CDK14: variants seen among roughly 807,000 people sequenced by gnomAD.
CDK14 encodes the protein cyclin dependent kinase 14.
Under a neutral mutation model 60.7 loss-of-function variants are expected in CDK14, and 34 were observed. The ratio of observed to expected loss-of-function variants is 0.56; its 90% confidence interval spans 0.43 to 0.75. The LOEUF (loss-of-function observed/expected upper bound fraction) is 0.75, where lower values mean the gene tolerates loss of function less well. Among genes scored for constraint, CDK14 ranks in the 30% least tolerant of loss-of-function variants. CDK14 has a pLI of 0.00. For missense variants in CDK14, 482 were observed against 564.1 expected (o/e 0.85, Z 1.47); for synonymous variants, 197 against 203.7 (o/e 0.97, Z 0.28).
chr7:91,129,139 C>T (rs1467619289), intron 14 of CDK14, among the ~76,000 whole-genome samples: 1 of 152,172 alleles, frequency 6.6e-6, no homozygotes, highest in Non-Finnish European at 1.5e-5. Context: ...GCTTCACGCC[C>T]AGGGCCTTCA....
intron 2 of CDK14, among the ~76,000 whole-genome samples, chr7:90,707,796 C>CT (rs531432111): frequency 8.5e-4 from 129 of 152,186 alleles, no homozygotes; most frequent in African/African-American, 3.0e-3. Context: ...TCTGTGAAGT[C>CT]TTTTTTTGAG....
chr7:90,800,566 G>A (rs549605654), intron 5 of CDK14, among the ~76,000 whole-genome samples: 1 of 152,024 alleles, frequency 6.6e-6, no homozygotes, highest in Non-Finnish European at 1.5e-5. Context: ...ATCTGTTTTT[G>A]TTGTTTTTCA....
At chr7:90,687,977 G>A (rs988328465) in intron 2 of CDK14, among the ~76,000 whole-genome samples, 2 of 152,152 alleles carry the variant, frequency 1.3e-5, no homozygotes, top group Admixed American at 1.3e-4. Flanking sequence ...ATAAATACTT[G>A]ATTTAAACCA....
intron 9 of CDK14, among the ~76,000 whole-genome samples, chr7:90,956,677 A>G (rs941286278): frequency 3.3e-5 from 5 of 152,208 alleles, no homozygotes; most frequent in African/African-American, 7.2e-5. Flanking sequence ...GGTTAGTTAC[A>G]TATGTATACG....
intron 5 of CDK14, among the ~76,000 whole-genome samples, chr7:90,827,065 C>G (rs1325528079): frequency 6.6e-6 from 1 of 151,868 alleles, no homozygotes; most frequent in Non-Finnish European, 1.5e-5. Flanking sequence ...CCCAACCCCC[C>G]ACCCCACCCC....
intron 2 of CDK14, among the ~76,000 whole-genome samples, chr7:90,610,238 G>T (rs555906735): frequency 1.3e-5 from 2 of 152,172 alleles, no homozygotes; most frequent in Non-Finnish European, 2.9e-5. Context: ...TACTTCATTT[G>T]TAATGTACGC....
intron 7 of CDK14, among the ~76,000 whole-genome samples, chr7:90,905,942 G>A (rs971401658): frequency 2.6e-5 from 4 of 152,114 alleles, no homozygotes; most frequent in Non-Finnish European, 5.9e-5. Context: ...GTTTCTATGG[G>A]AGGCCACTCA....
chr7:90,633,637 A>G (rs1800056870), intron 2 of CDK14, among the ~76,000 whole-genome samples: 1 of 152,232 alleles, frequency 6.6e-6, no homozygotes, highest in Admixed American at 6.5e-5. Flanking sequence ...TTGAGCGAAT[A>G]AAATCTATCT....
chr7:90,617,457 T>C (rs1799677775), intron 2 of CDK14, among the ~76,000 whole-genome samples: 1 of 152,124 alleles, frequency 6.6e-6, no homozygotes, highest in African/African-American at 2.4e-5. Flanking sequence ...GCAGATGAAT[T>C]ACTGCTAGAA....
At chr7:90,985,116 A>G (rs184731329) in intron 10 of CDK14, among the ~76,000 whole-genome samples, 34 of 152,356 alleles carry the variant, frequency 2.2e-4, no homozygotes, top group African/African-American at 7.5e-4. Flanking sequence ...CGAGTGGTAT[A>G]CATGAGCTCT....
intron 5 of CDK14, among the ~76,000 whole-genome samples, chr7:90,799,011 T>C (rs545690567): frequency 1.1e-4 from 16 of 152,320 alleles, no homozygotes; most frequent in Admixed American, 2.6e-4. Flanking sequence ...CTTTTAAGTG[T>C]TAAGTGTGTA....
intron 14 of CDK14, among the ~76,000 whole-genome samples, chr7:91,180,824 G>T (rs115053734): frequency 0.012 from 1,871 of 152,292 alleles, 53 homozygotes; most frequent in African/African-American, 0.041. Context: ...GGCAGACATA[G>T]TGCTTTTACA....
chr7:91,030,798 T>G (rs1796738957), intron 10 of CDK14, among the ~76,000 whole-genome samples: 1 of 152,164 alleles, frequency 6.6e-6, no homozygotes, highest in African/African-American at 2.4e-5. Flanking sequence ...CCGTTCCCTT[T>G]CAGTTCTTGG....
At chr7:91,111,818 C>T (rs907909476) in intron 12 of CDK14, among the ~76,000 whole-genome samples, 1 of 152,128 alleles carries the variant, frequency 6.6e-6, no homozygotes, top group African/African-American at 2.4e-5. Flanking sequence ...AATAGAGGTT[C>T]CATGAAAAGC....
At chr7:91,132,875 C>T (rs1435477378) in intron 14 of CDK14, among the ~76,000 whole-genome samples, 1 of 152,096 alleles carries the variant, frequency 6.6e-6, no homozygotes, top group Non-Finnish European at 1.5e-5. Context: ...GACTCTGTTA[C>T]AGACATAGTT....
chr7:91,008,452 G>A (rs1435405160), intron 10 of CDK14, among the ~76,000 whole-genome samples: 2 of 152,082 alleles, frequency 1.3e-5, no homozygotes, highest in Non-Finnish European at 1.5e-5. Flanking sequence ...ATTGTTTGAG[G>A]TTTCATGTGT....
intron 14 of CDK14, among the ~76,000 whole-genome samples, chr7:91,193,026 T>C (rs1802418900): frequency 6.6e-6 from 1 of 152,194 alleles, no homozygotes; most frequent in Non-Finnish European, 1.5e-5. Context: ...ATTTTTCTCA[T>C]ATGGGGCAGT....
chr7:90,916,817 G>A (rs933353771), intron 7 of CDK14, among the ~76,000 whole-genome samples: 5 of 152,052 alleles, frequency 3.3e-5, no homozygotes, highest in African/African-American at 9.7e-5. Context: ...ACACTTTTTT[G>A]TTATCAAAAT....
At chr7:91,003,380 C>T (rs575849110) in intron 10 of CDK14, among the ~76,000 whole-genome samples, 1 of 152,270 alleles carries the variant, frequency 6.6e-6, no homozygotes, top group East Asian at 1.9e-4. Flanking sequence ...CTTGACAACA[C>T]TCCTGTCATC....
Sources: allele counts gnomAD v4.1 joint callset (sites outside exome capture counted in the v4.1 genomes callset), GRCh38; gene constraint gnomAD v4.1.1; transcripts MANE v1.5; gene names NCBI Gene and HGNC (gene_info 2026-07-23, HGNC 2026-07-21).